CTNNA3: variants seen among roughly 807,000 people sequenced by gnomAD.
CTNNA3 encodes catenin alpha 3, also known as catenin alpha-3.
Under a neutral mutation model 95.7 loss-of-function variants are expected in CTNNA3, and 76 were observed. The observed-to-expected ratio is 0.79, with a 90% CI of 0.66 to 0.96. The LOEUF (loss-of-function observed/expected upper bound fraction) is 0.96. CTNNA3 is among the 40% of genes least tolerant of loss of function. CTNNA3 has a pLI of 0.00. For missense variants in CTNNA3, 1,191 were observed against 1,089.8 expected (o/e 1.09, Z -1.31); for synonymous variants, 431 against 374.4 (o/e 1.15, Z -1.74).
In CTNNA3 at chr10:67,122,580, T is replaced by C. The variant is rs1859525068; in HGVS notation, c.1047+57737A>G. On this transcript the variant is annotated intron_variant, in intron 7 of 17. Coordinates refer to ENST00000433211, the MANE Select transcript of CTNNA3 (RefSeq NM_013266.4). ...ATTTGGTCTGTGGTGTGGATGAATC[T>C]ATCTTGTTCATAACTAATACAGTAA... 2.0e-5 allele frequency among the ~76,000 whole-genome samples: 3 copies of C among 152,154 alleles called. No homozygotes were observed. The South Asian group carries it at 6.2e-4, about 31-fold the overall frequency.
chr10:66,023,485 C>A (rs1443837115), intron 15 of CTNNA3, among the ~76,000 whole-genome samples: 1 of 152,124 alleles, frequency 6.6e-6, no homozygotes. Context: ...TAACTTAGCA[C>A]CTGGTCTCTC....
At chr10:67,146,242 C>T (rs1860836571) in intron 7 of CTNNA3, among the ~76,000 whole-genome samples, 1 of 152,164 alleles carries the variant, frequency 6.6e-6, no homozygotes, top group Non-Finnish European at 1.5e-5. Flanking sequence ...AAGTGCCTAG[C>T]TCTCTGTGAA....
intron 15 of CTNNA3, among the ~76,000 whole-genome samples, chr10:66,011,497 A>G (rs1342240196): frequency 1.3e-5 from 2 of 152,136 alleles, no homozygotes; most frequent in Non-Finnish European, 2.9e-5. Flanking sequence ...ATGGCATTTT[A>G]CAACCTAAAC....
At chr10:65,968,073 C>G (rs550153774) in intron 16 of CTNNA3, among the ~76,000 whole-genome samples, 1 of 152,216 alleles carries the variant, frequency 6.6e-6, no homozygotes, top group Admixed American at 6.5e-5. Context: ...CAATCAAATT[C>G]TATTAAAAAT....
chr10:67,090,245 G>C (rs907801785), intron 7 of CTNNA3, among the ~76,000 whole-genome samples: 1 of 152,060 alleles, frequency 6.6e-6, no homozygotes, highest in Non-Finnish European at 1.5e-5. Flanking sequence ...TATGTGTGTA[G>C]TAAGAAGCAG....
chr10:65,987,240 T>G (rs557871417), intron 16 of CTNNA3, among the ~76,000 whole-genome samples: 1 of 151,840 alleles, frequency 6.6e-6, no homozygotes, highest in Admixed American at 6.6e-5. Context: ...AGAAAACAAT[T>G]AACAGAGTGA....
At chr10:66,145,406 A>G (rs977958205) in intron 13 of CTNNA3, among the ~76,000 whole-genome samples, 34 of 152,204 alleles carry the variant, frequency 2.2e-4, no homozygotes, top group African/African-American at 8.2e-4. Flanking sequence ...CTTATGCCCC[A>G]GAGAGGTTTG....
At chr10:66,199,788 TATATATATATA>T (rs1386217816) in intron 13 of CTNNA3, among the ~76,000 whole-genome samples, 6 of 13,690 alleles carry the variant, frequency 4.4e-4, no homozygotes, top group South Asian at 5.2e-3. Flanking sequence ...TATATATATA[TATATATATATA>T]TATATATTTT....
At chr10:66,079,947 A>C (rs1293261598) in intron 14 of CTNNA3, among the ~76,000 whole-genome samples, 1 of 152,120 alleles carries the variant, frequency 6.6e-6, no homozygotes, top group Non-Finnish European at 1.5e-5. Context: ...AAAAGGTAAA[A>C]TAAAATAGTT....
At chr10:67,583,384 G>A (rs1030020466) in intron 3 of CTNNA3, among the ~76,000 whole-genome samples, 7 of 152,116 alleles carry the variant, frequency 4.6e-5, no homozygotes, top group African/African-American at 1.7e-4. Context: ...TTGAATATTG[G>A]TCCCCACTCT....
chr10:66,814,235 C>A (rs973561037), intron 7 of CTNNA3, among the ~76,000 whole-genome samples: 1 of 143,220 alleles, frequency 7.0e-6, no homozygotes, highest in Non-Finnish European at 1.5e-5. Flanking sequence ...TGACATTATT[C>A]CCAGAAGAAT....
intron 5 of CTNNA3, among the ~76,000 whole-genome samples, chr10:67,227,970 G>C (rs1222959396): frequency 1.3e-5 from 2 of 152,112 alleles, no homozygotes; most frequent in Non-Finnish European, 2.9e-5. Context: ...ATGAAATCAA[G>C]ATGGAAATTT....
In CTNNA3 at chr10:67,160,287, C is replaced by A. The variant is rs149400473; in HGVS notation, c.1047+20030G>T. Among the ~76,000 whole-genome samples, 753 of 152,076 alleles carry A rather than the reference C, an allele frequency of 5.0e-3. 7 individuals are homozygous for A. The highest frequency in any genetic ancestry group is 0.017 in the African/African-American group (704 of 41,452). ...TATTGATATAAATGTAAAATGATGT[C>A]ACAGCTATGGAAAACAGCATGGCAT... On this transcript the variant is annotated intron_variant, in intron 7 of 17. Transcript: ENST00000433211.
Position 66,312,442 on chromosome 10 carries a change from GTGT to G in CTNNA3, c.1733-31824_1733-31822del, listed in dbSNP as rs550402269. Among the ~76,000 whole-genome samples the G allele has an allele frequency of 2.2e-4, 34 of 152,202 alleles. No individual in the cohort carries two copies. In the East Asian group the frequency reaches 5.0e-3, roughly 23 times the overall value. On this transcript the variant is annotated intron_variant, in intron 12 of 17. Transcript: ENST00000433211. ...TGTGTGTTTTTGTGTGTGTATGTGTGTGTTGTGTTGTGTGTGTGTATAAATACA... is the reference window on the plus strand; with the variant it reads ...TGTGTGTTTTTGTGTGTGTATGTGTGTGTGTTGTGTGTGTGTATAAATACA...
intron 7 of CTNNA3, among the ~76,000 whole-genome samples, chr10:67,144,093 C>A (rs189940912): frequency 6.6e-6 from 1 of 152,296 alleles, no homozygotes; most frequent in East Asian, 1.9e-4. Context: ...CCATTTATTT[C>A]TTTGTGCATC....
chr10:66,499,413 A>G (rs111339509), intron 11 of CTNNA3, among the ~76,000 whole-genome samples: 2,796 of 152,280 alleles, frequency 0.018, 89 homozygotes, highest in African/African-American at 0.065. Flanking sequence ...GAAAGGTTCC[A>G]GATGGAAAAA....
chr10:67,017,618 A>G (rs930263573), intron 7 of CTNNA3, among the ~76,000 whole-genome samples: 1 of 152,156 alleles, frequency 6.6e-6, no homozygotes, highest in Admixed American at 6.6e-5. Context: ...AACACCAGCC[A>G]TAGTTCTAAT....
At chr10:66,284,603 T>C (rs10762046) in intron 12 of CTNNA3, among the ~76,000 whole-genome samples, 36,884 of 151,820 alleles carry the variant, frequency 0.24, 4,693 homozygotes, top group South Asian at 0.3. Context: ...CCTTGATAAA[T>C]TTATTATGTG....
At chr10:67,574,824 A>T (rs1589442607) in intron 3 of CTNNA3, among the ~76,000 whole-genome samples, 1 of 152,040 alleles carries the variant, frequency 6.6e-6, no homozygotes, top group Admixed American at 6.6e-5. Flanking sequence ...CAGGTGATCC[A>T]CCTGCCTCGG....
Sources: gnomAD v4.1 joint callset for allele counts (sites outside exome capture counted in the v4.1 genomes callset) on GRCh38, gnomAD v4.1.1 for gene constraint, MANE v1.5 for transcripts, NCBI Gene and HGNC (gene_info 2026-07-23, HGNC 2026-07-21) for gene names.